The following SLC17A9 variants were observed in gnomAD, a reference collection of about 807,000 sequenced individuals.
SLC17A9 encodes voltage-gated purine nucleotide uniporter SLC17A9.
Under a neutral mutation model 55.0 loss-of-function variants are expected in SLC17A9, and 49 were observed. The ratio of observed to expected loss-of-function variants is 0.89; its 90% CI spans 0.71 to 1.13. The LOEUF (loss-of-function observed/expected upper bound fraction) is 1.13, where lower values mean the gene tolerates loss of function less well. SLC17A9 is among the 50% of genes most tolerant of loss of function. The pLI is 0.00. For synonymous variants in SLC17A9, 256 were observed against 247.4 expected (o/e 1.03, Z -0.32); for missense variants, 526 against 569.3 (o/e 0.92, Z 0.77).
chr20:62,957,691 A>AGT (rs925986784), intron 3 of SLC17A9, 111 bp downstream of exon 3: 1 of 989,110 alleles, frequency 1.0e-6, no homozygotes, highest in Non-Finnish European at 1.4e-6. Flanking sequence ...GTGGTGTACA[A>AGT]GTGTGTGTGT....
At position 62,952,829 on chromosome 20, in the gene SLC17A9, C is replaced by A; in HGVS notation, c.-2C>A. Reference sequence around the variant, plus strand: ...CCACGCCGTCTGAGCACCCCAAGCCCGATGCAGCCACCCCCAGACGAGGCC... The same window carrying A: ...CCACGCCGTCTGAGCACCCCAAGCCAGATGCAGCCACCCCCAGACGAGGCC... On this transcript the variant is annotated 5_prime_UTR_variant, in exon 1 of 13. Coordinates refer to ENST00000370351, the MANE Select transcript of SLC17A9 (RefSeq NM_022082.4). 1 of 1,529,618 alleles carries A rather than the reference C, an allele frequency of 6.5e-7. No homozygotes were observed. Among genetic ancestry groups the A allele is most frequent in the Non-Finnish European group, 8.7e-7 (1 of 1,143,026 alleles). The allele number at this position is 1,529,618 out of a possible 1,614,324, so 94.8% of individuals were successfully genotyped here.
chr20:62,953,604 C>T (rs2065510806), intron 1 of SLC17A9, among the ~76,000 whole-genome samples: 1 of 152,244 alleles, frequency 6.6e-6, no homozygotes, highest in African/African-American at 2.4e-5. Flanking sequence ...CCTTAAGTGG[C>T]TGGACCCTGG....
At position 62,956,852 on chromosome 20, in the gene SLC17A9, C is replaced by T; in HGVS notation, c.147C>T (p.Val49=). 6.2e-7 allele frequency: 1 copy of T among 1,613,520 alleles called. No homozygotes were observed. The highest frequency in any genetic ancestry group is 1.1e-5 in the South Asian group (1 of 91,088). Residue 49 remains valine (V), a synonymous_variant, in exon 2 of 13, where the codon GTC becomes GTT. Transcript: ENST00000370351. The part of the protein sequence containing the change: ...CARSSMPICT[V]SMSQDFGWNK... ...GCTCCAGCATGCCCATCTGCACCGT[C>T]TCCATGAGCCAGGACTTCGGCTGGA...
At chr20:62,957,047 G>T in intron 2 of SLC17A9, 85 bp downstream of exon 2, 1 of 1,580,482 alleles carries the variant, frequency 6.3e-7, no homozygotes, top group Non-Finnish European at 8.6e-7. Context: ...CTGTGCTGCT[G>T]CACGCAGAGG....
At chr20:62,960,165 ATG>A (rs1284592060) in intron 3 of SLC17A9, among the ~76,000 whole-genome samples, 2 of 152,178 alleles carry the variant, frequency 1.3e-5, no homozygotes, top group South Asian at 2.1e-4. Flanking sequence ...GTGCAGGCGC[ATG>A]TGTGTGTGTT....
At chr20:62,965,505 C>A in intron 9 of SLC17A9, 105 bp from the exon 10 acceptor site, 2 of 1,081,828 alleles carry the variant, frequency 1.8e-6, no homozygotes, top group South Asian at 1.3e-5. Context: ...GCCAACCTGA[C>A]CGTTGTGCGG....
chr20:62,956,422 C>G (rs1366498662), intron 1 of SLC17A9, among the ~76,000 whole-genome samples: 1 of 152,130 alleles, frequency 6.6e-6, no homozygotes, highest in Non-Finnish European at 1.5e-5. Context: ...TCCTCTGCCA[C>G]CCATCTCCTG....
chr20:62,964,087 A>T (rs906263416), intron 7 of SLC17A9, 141 bp from the exon 8 acceptor site: 3 of 824,234 alleles, frequency 3.6e-6, no homozygotes, highest in African/African-American at 3.4e-5. Context: ...AGAGCTGCAC[A>T]TTCCCAGGAG....
rs2065598046 is a variant in SLC17A9 at position 62,962,605 on chromosome 20, A to G, written c.498-19A>G. 4.3e-6 allele frequency: 7 copies of G among 1,612,204 alleles called. No homozygotes were observed. The South Asian group carries it at 6.6e-5, about 15-fold the overall frequency. ...GGGTGCCGCTGAGGGGCCTGGCCAC[A>G]CTCCCCCTGTCTTTGCAGGACGCTG... On this transcript the variant is annotated intron_variant, in intron 4 of 12. Transcript: ENST00000370351. This position sits in a 1 kb window ranked among gnomAD's most constrained non-coding sequence, Gnocchi z 5.5.
chr20:62,965,241 G>T (rs2065625288), intron 9 of SLC17A9, 75 bp downstream of exon 9: 1 of 1,590,892 alleles, frequency 6.3e-7, no homozygotes, highest in African/African-American at 1.3e-5. Flanking sequence ...TCAGGGTTGT[G>T]TCCCCAAGTC....
intron 12 of SLC17A9, chr20:62,966,999 C>T (rs543837696): frequency 2.0e-4 from 117 of 575,582 alleles, no homozygotes; most frequent in African/African-American, 4.1e-4. Context: ...CCCGGGACAC[C>T]TCCTGGCCCC....
At position 62,967,750 on chromosome 20, in the gene SLC17A9, T is replaced by C. The variant is rs1402916337; in HGVS notation, c.*250T>C. 1 of 457,328 alleles carries C rather than the reference T, an allele frequency of 2.2e-6. No individual in the cohort carries two copies. The highest frequency in any genetic ancestry group is 3.9e-6 in the Non-Finnish European group (1 of 255,544). 28.3% of individuals were successfully genotyped at this position (457,328 alleles called of 1,614,324 possible). ...CCACCTGCCAGCGGGCTCGGCCCTGTCCTCCTCACAGGCTGGTGTGGCCGT... is the reference window on the plus strand; with the variant it reads ...CCACCTGCCAGCGGGCTCGGCCCTGCCCTCCTCACAGGCTGGTGTGGCCGT... On this transcript the variant is annotated 3_prime_UTR_variant, in exon 13 of 13. Coordinates refer to ENST00000370351, the MANE Select transcript of SLC17A9 (RefSeq NM_022082.4).
At chr20:62,964,548 G>A (rs1015038320) in intron 8 of SLC17A9, among the ~76,000 whole-genome samples, 1 of 152,196 alleles carries the variant, frequency 6.6e-6, no homozygotes, top group Non-Finnish European at 1.5e-5. Context: ...TGCAGCCCCT[G>A]ACCCTCCAGG....
In SLC17A9 at chr20:62,963,263, G is replaced by T. The variant is rs1360255307; in HGVS notation, c.629-10G>T. On this transcript the variant is annotated splice_polypyrimidine_tract_variant and intron_variant, in intron 5 of 12. Transcript: ENST00000370351. Reference sequence around the variant, plus strand: ...TGATAGCCATCAGTTTGAAACCGTTGCTCCCTCAGATCTCATCCTGGCCTT... The same window carrying T: ...TGATAGCCATCAGTTTGAAACCGTTTCTCCCTCAGATCTCATCCTGGCCTT... 1 of 1,612,864 alleles carries T rather than the reference G, an allele frequency of 6.2e-7. No individual in the cohort carries two copies. The highest frequency in any genetic ancestry group is 8.5e-7 in the Non-Finnish European group (1 of 1,179,902).
intron 10 of SLC17A9, 131 bp downstream of exon 10, chr20:62,965,856 G>C: frequency 1.2e-6 from 1 of 827,636 alleles, no homozygotes; most frequent in Middle Eastern, 3.5e-4. Context: ...CCAAGCTGCT[G>C]GGCAGTGACT....
chr20:62,966,981 C>T, intron 12 of SLC17A9: 1 of 588,492 alleles, frequency 1.7e-6, no homozygotes, highest in Admixed American at 3.3e-5. Context: ...TCCTGGTAGC[C>T]CAGGGTCCCC....
rs746426893 is a variant in SLC17A9, at chr20:62,957,563, T to G, written c.380T>G (p.Leu127Arg). 2 of 1,573,808 alleles carry G rather than the reference T, an allele frequency of 1.3e-6. No individual in the cohort carries two copies. The highest frequency in any genetic ancestry group is 1.7e-6 in the Non-Finnish European group (2 of 1,162,204). ...HLAFMTFSRI[L>R]MGLLQGVYFP... ...GCCTTCATGACCTTCTCACGCATCC[T>G]CATGGGCTTGCTCCAAGGTAAGGGG... Residue 127 changes from leucine (L) to arginine (R), a missense_variant, in exon 3 of 13, where the codon CTC becomes CGC. Coordinates refer to ENST00000370351, the MANE Select transcript of SLC17A9 (RefSeq NM_022082.4).
chr20:62,963,938 G>A lies in SLC17A9; in HGVS notation c.822+258G>A, dbSNP rs1235291000. Reference sequence around the variant, plus strand: ...GGCTGCAGCCCTCCCAGCCCTCATCGTGACCTGCTGGCCCACAGAACCCGA... The same window carrying A: ...GGCTGCAGCCCTCCCAGCCCTCATCATGACCTGCTGGCCCACAGAACCCGA... On this transcript the variant is annotated intron_variant, in intron 7 of 12. Coordinates refer to ENST00000370351, the MANE Select transcript of SLC17A9 (RefSeq NM_022082.4). The A allele has an allele frequency of 3.9e-5, 23 of 594,832 alleles. No homozygotes were observed. The East Asian group carries it at 5.3e-4, about 14-fold the overall frequency. 36.8% of individuals were successfully genotyped at this position (594,832 alleles called of 1,614,324 possible).
Position 62,966,550 on chromosome 20 carries a change from T to C in SLC17A9, c.1087T>C (p.Leu363=). 1 of 1,613,736 alleles carries C rather than the reference T, an allele frequency of 6.2e-7. No homozygotes were observed. Among genetic ancestry groups the C allele is most frequent in the Non-Finnish European group, 8.5e-7 (1 of 1,179,860 alleles). ...TGGCATTTCTGTTAACATCCAGGAC[T>C]TGGCCCCGTCCTGCGCCGGCTTTCT... ...HSGISVNIQD[L]APSCAGFLFG... is the part of the protein sequence containing the mutation. Residue 363 remains leucine, a synonymous_variant, in exon 11 of 13, where the codon TTG becomes CTG. Coordinates refer to ENST00000370351, the MANE Select transcript of SLC17A9 (RefSeq NM_022082.4).
Sources: allele counts gnomAD v4.1 joint callset (sites outside exome capture counted in the v4.1 genomes callset), GRCh38; gene constraint gnomAD v4.1.1; non-coding constraint Gnocchi (gnomAD v3.1); transcripts MANE v1.5; gene names NCBI Gene and HGNC (gene_info 2026-07-23, HGNC 2026-07-21).